The following SLC24A2 variants were observed in gnomAD, a reference collection of about 807,000 sequenced individuals.
SLC24A2 encodes sodium/potassium/calcium exchanger 2.
Under a neutral mutation model 62.0 loss-of-function variants are expected in SLC24A2, and 36 were observed. The observed-to-expected ratio is 0.58, with a 90% CI of 0.44 to 0.77. The LOEUF is 0.77. Among genes scored for constraint, SLC24A2 ranks in the 30% least tolerant of loss-of-function variants. SLC24A2 has a pLI of 0.00. For missense variants in SLC24A2, 846 were observed against 817.9 expected, an observed-to-expected ratio of 1.03 and a Z score of -0.42; for synonymous variants, 358 against 294.0, an observed-to-expected ratio of 1.22 and a Z score of -2.23.
the SLC24A2 span, among the ~76,000 whole-genome samples, chr9:20,226,324 T>A: frequency 6.6e-6 from 1 of 152,124 alleles, no homozygotes; most frequent in Non-Finnish European, 1.5e-5. Context: ...TATGGGAAAT[T>A]TGCAGATCAA....
At chr9:20,179,564 G>T in the SLC24A2 span, among the ~76,000 whole-genome samples, 2 of 152,126 alleles carry the variant, frequency 1.3e-5, no homozygotes, top group African/African-American at 2.4e-5. Flanking sequence ...CTGGAACCAC[G>T]ATGTTGTTTT....
chr9:19,662,653 T>C (rs1051684095), intron 2 of SLC24A2, among the ~76,000 whole-genome samples: 2 of 152,158 alleles, frequency 1.3e-5, no homozygotes, highest in African/African-American at 2.4e-5. Flanking sequence ...TGGAGTTCCA[T>C]TGCAGGCCTC....
At chr9:20,137,681 T>C in the SLC24A2 span, among the ~76,000 whole-genome samples, 2 of 152,202 alleles carry the variant, frequency 1.3e-5, no homozygotes, top group African/African-American at 4.8e-5. Context: ...GTATCTTTAC[T>C]AGTTCTCTTA....
the SLC24A2 span, among the ~76,000 whole-genome samples, chr9:20,058,698 C>A: frequency 6.6e-6 from 1 of 152,204 alleles, no homozygotes; most frequent in South Asian, 2.1e-4. Context: ...CCCAGGAGTT[C>A]AAGGCTGCAG....
chr9:19,786,097 A>G lies in SLC24A2; in HGVS notation c.770T>C (p.Leu257Pro). ...TTCCCACCACATGATGACATTATCCAGGAAAAATATGATCAGCATGATCAA... is the reference window on the plus strand; with the variant it reads ...TTCCCACCACATGATGACATTATCCGGGAAAAATATGATCAGCATGATCAA... ...VDLIMLIIFF[L>P]DNVIMWWESL... The change falls in exon 2 of 11, where the codon CTG (leucine) becomes CCG (proline). Residue 257 changes from leucine to proline, a missense_variant. Coordinates refer to ENST00000341998, the MANE Select transcript of SLC24A2 (RefSeq NM_020344.4). The surrounding 1 kb of genome is among the most constrained non-coding windows in gnomAD (Gnocchi z 5.0). The G allele has an allele frequency of 6.2e-7, 1 of 1,614,218 alleles. No homozygotes were observed. Among genetic ancestry groups the G allele is most frequent in the Non-Finnish European group, 8.5e-7 (1 of 1,180,026 alleles).
At chr9:20,116,439 T>G in the SLC24A2 span, among the ~76,000 whole-genome samples, 3 of 152,168 alleles carry the variant, frequency 2.0e-5, no homozygotes, top group African/African-American at 4.8e-5. Context: ...CCAGGTCCTA[T>G]GTTTCTCTTG....
At chr9:19,838,762 C>A in the SLC24A2 span, among the ~76,000 whole-genome samples, 1 of 148,436 alleles carries the variant, frequency 6.7e-6, no homozygotes, top group Non-Finnish European at 1.5e-5. Flanking sequence ...AATTGTTTTC[C>A]TAATTTAAAA....
the SLC24A2 span, among the ~76,000 whole-genome samples, chr9:19,813,317 C>CTTTTTTTTTTTTT: frequency 1.2e-5 from 1 of 86,274 alleles, no homozygotes; most frequent in Non-Finnish European, 2.1e-5. Flanking sequence ...TCATCTTCCT[C>CTTTTTTTTTTTTT]TTTTTTTTTT....
intron 8 of SLC24A2, among the ~76,000 whole-genome samples, chr9:19,531,931 T>A (rs528927419): frequency 3.5e-4 from 54 of 152,196 alleles, no homozygotes; most frequent in Non-Finnish European, 6.8e-4. Flanking sequence ...GCTCAGATAA[T>A]TATATTTGTT....
the SLC24A2 span, among the ~76,000 whole-genome samples, chr9:20,301,928 C>T: frequency 6.6e-6 from 1 of 152,192 alleles, no homozygotes; most frequent in Non-Finnish European, 1.5e-5. Context: ...TAAACCCTGG[C>T]AACCATTGGT....
chr9:20,061,256 C>G, the SLC24A2 span, among the ~76,000 whole-genome samples: 9 of 151,220 alleles, frequency 6.0e-5, no homozygotes, highest in Admixed American at 5.9e-4. Flanking sequence ...GAACAGAAGT[C>G]TAGAAATATG....
chr9:20,268,210 C>G, the SLC24A2 span, among the ~76,000 whole-genome samples: 4 of 152,178 alleles, frequency 2.6e-5, no homozygotes, highest in Non-Finnish European at 4.4e-5. Flanking sequence ...ACATTGAAAA[C>G]TGACAATAGG....
chr9:20,287,067 T>A, the SLC24A2 span, among the ~76,000 whole-genome samples: 1 of 152,220 alleles, frequency 6.6e-6, no homozygotes, highest in African/African-American at 2.4e-5. Flanking sequence ...GCTTCCTAAA[T>A]AAACATGCCA....
chr9:19,693,010 A>G (rs1361168154), intron 2 of SLC24A2, among the ~76,000 whole-genome samples: 1 of 152,178 alleles, frequency 6.6e-6, no homozygotes, highest in Non-Finnish European at 1.5e-5. Context: ...AAATGGGGAC[A>G]TTATTGACTG....
chr9:20,218,231 G>A, the SLC24A2 span, among the ~76,000 whole-genome samples: 1 of 152,166 alleles, frequency 6.6e-6, no homozygotes, highest in Non-Finnish European at 1.5e-5. Context: ...CCTGTTGGTT[G>A]TTACATCAAA....
the SLC24A2 span, among the ~76,000 whole-genome samples, chr9:19,983,458 C>A: frequency 6.6e-6 from 1 of 152,142 alleles, no homozygotes. Context: ...TACTGGCCAA[C>A]ATGGTGAAAC....
chr9:19,546,729 G>A (rs989652823), intron 8 of SLC24A2, among the ~76,000 whole-genome samples: 1 of 148,796 alleles, frequency 6.7e-6, no homozygotes, highest in African/African-American at 2.6e-5. Flanking sequence ...CACCACTGAG[G>A]TATGGGAAAA....
intron 5 of SLC24A2, among the ~76,000 whole-genome samples, chr9:19,579,340 C>G (rs1326782113): frequency 6.6e-6 from 1 of 152,146 alleles, no homozygotes; most frequent in African/African-American, 2.4e-5. Context: ...CAAACCTAGT[C>G]TTATTTGAGG....
At chr9:19,817,885 T>C in the SLC24A2 span, among the ~76,000 whole-genome samples, 1 of 151,976 alleles carries the variant, frequency 6.6e-6, no homozygotes, top group Non-Finnish European at 1.5e-5. Flanking sequence ...AGGTACACCC[T>C]ACTACATCCA....
Sources: allele counts gnomAD v4.1 joint callset (sites outside exome capture counted in the v4.1 genomes callset), GRCh38; gene constraint gnomAD v4.1.1; non-coding constraint Gnocchi (gnomAD v3.1); transcripts MANE v1.5; gene names NCBI Gene and HGNC (gene_info 2026-07-23, HGNC 2026-07-21).